Variants in PRKG1 observed in about 807,000 individuals in gnomAD.
PRKG1 encodes the protein protein kinase cGMP-dependent 1, also known as cGMP-dependent protein kinase 1.
A neutral mutation model predicts 88.1 loss-of-function variants in PRKG1; 35 were observed. The ratio of observed to expected loss-of-function variants is 0.40; its 90% CI spans 0.30 to 0.53. PRKG1 has a LOEUF of 0.53. Among genes scored for constraint, PRKG1 ranks in the 20% least tolerant of loss-of-function variants. PRKG1 has a pLI of 0.59. For synonymous variants in PRKG1, 303 were observed against 292.5 expected, an observed-to-expected ratio of 1.04 and a Z score of -0.37; for missense variants, 540 against 839.8, an observed-to-expected ratio of 0.64 and a Z score of 4.41.
intron 1 of PRKG1, among the ~76,000 whole-genome samples, chr10:51,089,314 C>A (rs1333782067): frequency 6.6e-6 from 1 of 152,166 alleles, no homozygotes; most frequent in African/African-American, 2.4e-5. Context: ...AGAAGATAAT[C>A]TTTTCAAATT....
At chr10:51,663,937 T>C (rs2132335408) in intron 3 of PRKG1, among the ~76,000 whole-genome samples, 1 of 152,238 alleles carries the variant, frequency 6.6e-6, no homozygotes, top group South Asian at 2.1e-4. Context: ...ATTCTTTGAA[T>C]AAAATAAACA....
rs972077116 is a variant in PRKG1 at position 51,477,697 on chromosome 10, A to G, written c.592+9861A>G. 1.5e-4 allele frequency among the ~76,000 whole-genome samples: 23 copies of G among 152,060 alleles called. 1 individual carries two copies. The highest frequency in any genetic ancestry group is 1.2e-3 in the Admixed American group (19 of 15,234). On this transcript the variant is annotated intron_variant, in intron 3 of 17. Coordinates refer to ENST00000373980, the MANE Select transcript of PRKG1 (RefSeq NM_006258.4). ...AGTTGTTATCCTCACAGTTGGTGCT[A>G]TGAAAGCAAGAAATAATCTGGAAGG...
chr10:51,559,417 A>G (rs750957075), intron 3 of PRKG1, among the ~76,000 whole-genome samples: 1 of 152,068 alleles, frequency 6.6e-6, no homozygotes, highest in East Asian at 1.9e-4. Context: ...TTATTCATGC[A>G]TAAGTCAAAA....
intron 4 of PRKG1, among the ~76,000 whole-genome samples, chr10:51,858,843 TC>T (rs1438048992): frequency 6.6e-6 from 1 of 152,120 alleles, no homozygotes; most frequent in Middle Eastern, 3.2e-3. Context: ...AAACACTTTT[TC>T]CCTGAATCGC....
chr10:51,486,520 G>A (rs1207600890), intron 3 of PRKG1, among the ~76,000 whole-genome samples: 4 of 152,096 alleles, frequency 2.6e-5, no homozygotes, highest in Non-Finnish European at 5.9e-5. Context: ...CTTTGCCAAA[G>A]GTTTGATTGG....
intron 3 of PRKG1, among the ~76,000 whole-genome samples, chr10:51,632,095 T>TA (rs1839541342): frequency 6.6e-6 from 1 of 150,450 alleles, no homozygotes; most frequent in African/African-American, 2.4e-5. Flanking sequence ...ATTATGAGAT[T>TA]TTTTTTTTTG....
At chr10:51,309,986 C>A (rs2132486923) in intron 2 of PRKG1, among the ~76,000 whole-genome samples, 1 of 152,206 alleles carries the variant, frequency 6.6e-6, no homozygotes, top group Admixed American at 6.5e-5. Context: ...TTAAGTGAAA[C>A]AACTCAGAAA....
At chr10:51,372,792 G>T (rs781151347) in intron 2 of PRKG1, among the ~76,000 whole-genome samples, 1 of 152,010 alleles carries the variant, frequency 6.6e-6, no homozygotes, top group Non-Finnish European at 1.5e-5. Flanking sequence ...ATAATCACAT[G>T]ATTTTTCTGC....
intron 1 of PRKG1, among the ~76,000 whole-genome samples, chr10:51,134,160 C>T (rs967263531): frequency 1.3e-5 from 2 of 152,164 alleles, no homozygotes; most frequent in Non-Finnish European, 2.9e-5. Flanking sequence ...ATTTAGAGGT[C>T]TAACAACTAT....
chr10:51,078,284 T>A (rs1052246206), intron 1 of PRKG1, among the ~76,000 whole-genome samples: 1 of 152,032 alleles, frequency 6.6e-6, no homozygotes. Context: ...AGTGGCACGA[T>A]CTTGGCTCAC....
chr10:51,449,908 G>A (rs1418772279), intron 2 of PRKG1, among the ~76,000 whole-genome samples: 1 of 151,716 alleles, frequency 6.6e-6, no homozygotes, highest in Non-Finnish European at 1.5e-5. Context: ...ATGCTCAGAT[G>A]AAAACTTCTT....
At chr10:51,848,922 G>A (rs1840475753) in intron 4 of PRKG1, among the ~76,000 whole-genome samples, 1 of 150,080 alleles carries the variant, frequency 6.7e-6, no homozygotes, top group African/African-American at 2.5e-5. Context: ...ATTCCAGTAA[G>A]ACTACCAGTT....
At chr10:51,860,463 C>T (rs1192619570) in intron 4 of PRKG1, among the ~76,000 whole-genome samples, 1 of 152,144 alleles carries the variant, frequency 6.6e-6, no homozygotes, top group Non-Finnish European at 1.5e-5. Flanking sequence ...TTATTTTTGT[C>T]CACATATTCT....
At chr10:51,951,356 A>G (rs1843179720) in intron 5 of PRKG1, among the ~76,000 whole-genome samples, 1 of 152,222 alleles carries the variant, frequency 6.6e-6, no homozygotes, top group Admixed American at 6.5e-5. Flanking sequence ...TGACTTCCAG[A>G]GATACACAGC....
At chr10:51,623,750 A>G (rs1839266355) in intron 3 of PRKG1, among the ~76,000 whole-genome samples, 1 of 152,102 alleles carries the variant, frequency 6.6e-6, no homozygotes, top group South Asian at 2.1e-4. Flanking sequence ...GATTCTCAGG[A>G]ACGCATCTCC....
intron 1 of PRKG1, chr10:51,148,270 G>A (rs1296422869): frequency 1.0e-6 from 1 of 985,084 alleles, no homozygotes; most frequent in Non-Finnish European, 1.2e-6. Flanking sequence ...CAAGGTGACT[G>A]TGAAAATCAT....
At chr10:52,048,791 C>T (rs1402597302) in intron 5 of PRKG1, among the ~76,000 whole-genome samples, 1 of 142,546 alleles carries the variant, frequency 7.0e-6, no homozygotes, top group Non-Finnish European at 1.6e-5. Context: ...GACGTGCTGT[C>T]AATTTTCTTT....
At chr10:52,063,614 C>G (rs752702272) in intron 7 of PRKG1, among the ~76,000 whole-genome samples, 28 of 152,230 alleles carry the variant, frequency 1.8e-4, no homozygotes, top group Admixed American at 3.3e-4. Flanking sequence ...GGTACGCAGA[C>G]AAGTGGAGGT....
intron 3 of PRKG1, among the ~76,000 whole-genome samples, chr10:51,470,614 T>C (rs1182484037): frequency 6.6e-6 from 1 of 151,962 alleles, no homozygotes; most frequent in African/African-American, 2.4e-5. Flanking sequence ...GTACATTACT[T>C]GTTTCCTGTT....
Sources: gnomAD v4.1 joint callset for allele counts (sites outside exome capture counted in the v4.1 genomes callset) on GRCh38, gnomAD v4.1.1 for gene constraint, MANE v1.5 for transcripts, NCBI Gene and HGNC (gene_info 2026-07-23, HGNC 2026-07-21) for gene names.